KLHL15: variants seen among roughly 807,000 people sequenced by gnomAD.
KLHL15 encodes kelch-like protein 15.
Under a neutral mutation model 29.3 loss-of-function variants are expected in KLHL15, and 1 was observed. The ratio of observed to expected loss-of-function variants is 0.03; its 90% CI spans 0.01 to 0.16. The LOEUF (loss-of-function observed/expected upper bound fraction) is 0.16. Among genes scored for constraint, KLHL15 ranks in the 10% least tolerant of loss-of-function variants. The pLI is 1.00. For missense variants in KLHL15, 215 were observed against 478.5 expected, an observed-to-expected ratio of 0.45 and a Z score of 5.14; for synonymous variants, 212 against 184.5, an observed-to-expected ratio of 1.15 and a Z score of -1.21.
intron 3 of KLHL15, among the ~76,000 whole-genome samples, chrX:24,004,080 G>GT (rs1043441055): frequency 9.0e-6 from 1 of 111,691 alleles, no homozygotes; most frequent in African/African-American, 3.3e-5. Flanking sequence ...GACATGACTT[G>GT]TGTCCCTAGA....
chrX:24,016,507 T>TA (rs1034289380), intron 2 of KLHL15, among the ~76,000 whole-genome samples: 11 of 103,993 alleles, frequency 1.1e-4, no homozygotes, highest in Admixed American at 3.1e-4. Context: ...CTACTACAAA[T>TA]AAAAAAAAAA....
chrX:24,014,602 G>C (rs1243225041), intron 2 of KLHL15, among the ~76,000 whole-genome samples: 1 of 111,577 alleles, frequency 9.0e-6, no homozygotes, highest in Non-Finnish European at 1.9e-5. Flanking sequence ...AGAAGCAGTG[G>C]GGGAAAAAAG....
At chrX:24,018,284 C>G (rs1292066979) in intron 2 of KLHL15, among the ~76,000 whole-genome samples, 1 of 111,826 alleles carries the variant, frequency 8.9e-6, no homozygotes, top group Non-Finnish European at 1.9e-5. Flanking sequence ...TAAATAAGAA[C>G]TCTTTAAATG....
At chrX:24,026,567 C>T (rs906826755) in intron 1 of KLHL15, among the ~76,000 whole-genome samples, 3 of 101,716 alleles carry the variant, frequency 2.9e-5, no homozygotes, top group African/African-American at 3.6e-5. Context: ...TCGGCTTCCC[C>T]CACCCCCACC....
intron 2 of KLHL15, among the ~76,000 whole-genome samples, chrX:24,017,936 C>T (rs1929724110): frequency 9.0e-6 from 1 of 110,812 alleles, no homozygotes. Context: ...GACCTCTTCC[C>T]TACAAAAAAA....
chrX:24,000,791 C>T (rs916918386), intron 3 of KLHL15, among the ~76,000 whole-genome samples: 1 of 112,392 alleles, frequency 8.9e-6, no homozygotes, highest in Non-Finnish European at 1.9e-5. Context: ...TCTGGAGGGG[C>T]ATACAGCACC....
At chrX:23,989,352 T>G (rs1202226905) in intron 3 of KLHL15, among the ~76,000 whole-genome samples, 1 of 110,356 alleles carries the variant, frequency 9.1e-6, no homozygotes, top group Non-Finnish European at 1.9e-5. Context: ...AATTTTTTTA[T>G]TTTTAGTAGA....
Position 23,988,773 on chromosome X carries a change from G to A in KLHL15, c.963C>T (p.Cys321=). ...ACACAAAATTATTGACGATAGCAAG[G>A]CAGTCAGGTCGCAGAGGTACTTGTG... ...EGPQVPLRPD[C]LAIVNNFVFL... Residue 321 remains cysteine, a synonymous_variant, in exon 4 of 4, where the codon TGC becomes TGT. Coordinates refer to ENST00000328046, the MANE Select transcript of KLHL15 (RefSeq NM_030624.3). 8.3e-7 allele frequency: 1 copy of A among 1,211,892 alleles called. No individual in the cohort carries two copies.
At chrX:24,003,028 A>T (rs1929362570) in intron 3 of KLHL15, among the ~76,000 whole-genome samples, 1 of 112,387 alleles carries the variant, frequency 8.9e-6, no homozygotes, top group Admixed American at 9.5e-5. Flanking sequence ...ACAGCTTAGA[A>T]TTTTCATAGC....
intron 1 of KLHL15, among the ~76,000 whole-genome samples, chrX:24,026,721 T>A: frequency 8.9e-6 from 1 of 111,867 alleles, no homozygotes; most frequent in Middle Eastern, 4.6e-3. Context: ...TGTACTGTTT[T>A]GCTGAAGTAG....
chrX:24,004,045 C>A (rs1341576982), intron 3 of KLHL15, among the ~76,000 whole-genome samples: 1 of 110,159 alleles, frequency 9.1e-6, no homozygotes, highest in Non-Finnish European at 1.9e-5. Context: ...GAAGGATAAA[C>A]CCAAAGATTT....
intron 2 of KLHL15, among the ~76,000 whole-genome samples, chrX:24,011,579 G>A (rs758972384): frequency 8.9e-6 from 1 of 111,863 alleles, no homozygotes; most frequent in Non-Finnish European, 1.9e-5. Context: ...GGGAGCTGGA[G>A]GTTGCAGTGA....
intron 1 of KLHL15, among the ~76,000 whole-genome samples, chrX:24,026,875 A>C (rs1929944243): frequency 8.9e-6 from 1 of 112,190 alleles, no homozygotes; most frequent in African/African-American, 3.2e-5. Context: ...CATCTTTTCC[A>C]ATAGCTCCTT....
At chrX:24,011,359 A>AG (rs60066480) in intron 2 of KLHL15, among the ~76,000 whole-genome samples, 2 of 106,140 alleles carry the variant, frequency 1.9e-5, no homozygotes, top group Admixed American at 1.0e-4. Flanking sequence ...AAAAAAAAAA[A>AG]GGGCCAGGCG....
chrX:24,015,700 C>G (rs1929662805), intron 2 of KLHL15, among the ~76,000 whole-genome samples: 1 of 112,557 alleles, frequency 8.9e-6, no homozygotes, highest in African/African-American at 3.2e-5. Flanking sequence ...TCTCTGTGCT[C>G]TAAAATGTAA....
At chrX:24,001,366 G>A (rs1929311239) in intron 3 of KLHL15, among the ~76,000 whole-genome samples, 1 of 111,567 alleles carries the variant, frequency 9.0e-6, no homozygotes, top group Non-Finnish European at 1.9e-5. Flanking sequence ...TTGGGATGCT[G>A]AATCTTACCT....
At chrX:24,020,401 T>A (rs1306667382) in intron 2 of KLHL15, among the ~76,000 whole-genome samples, 1 of 111,932 alleles carries the variant, frequency 8.9e-6, no homozygotes, top group East Asian at 2.8e-4. Flanking sequence ...GTAAGTTAAC[T>A]TTAATTTGTT....
intron 2 of KLHL15, among the ~76,000 whole-genome samples, chrX:24,018,211 A>G (rs73197333): frequency 0.12 from 13,350 of 111,536 alleles, 980 homozygotes; most frequent in African/African-American, 0.28. Context: ...CGTGCTCAAC[A>G]AGAAGTGCGT....
In KLHL15 at chrX:24,016,839, T is replaced by C. The variant is rs148095571; in HGVS notation, c.-8+8018A>G. Among the ~76,000 whole-genome samples the C allele has an allele frequency of 2.7e-5, 3 of 111,086 alleles. No individual in the cohort carries two copies. The East Asian group carries it at 8.4e-4, about 31-fold the overall frequency. On this transcript the variant is annotated intron_variant, in intron 2 of 3. Coordinates refer to ENST00000328046, the MANE Select transcript of KLHL15 (RefSeq NM_030624.3). The stretch of plus-strand genomic sequence containing the variant: ...TGTGGTACTACTACAGCCAAAATAG[T>C]AAGCCTGATCTAGTTAACTTTGAAG...
Sources: gnomAD v4.1 joint callset for allele counts (sites outside exome capture counted in the v4.1 genomes callset) on GRCh38, gnomAD v4.1.1 for gene constraint, MANE v1.5 for transcripts, NCBI Gene and HGNC (gene_info 2026-07-23, HGNC 2026-07-21) for gene names.